The following CPA6 variants were observed in gnomAD, a reference collection of about 807,000 sequenced individuals.
CPA6 encodes carboxypeptidase B.
CPA6 carries 58 observed loss-of-function variants against 63.3 expected under a neutral mutation model. That is an observed-to-expected ratio of 0.92 (90% confidence interval 0.74 to 1.14). CPA6 has a LOEUF of 1.14. Among genes scored for constraint, CPA6 ranks in the 50% most tolerant of loss-of-function variants. The pLI is 0.00. For missense variants in CPA6, 565 were observed against 526.6 expected (o/e 1.07, Z -0.71); for synonymous variants, 185 against 179.0 (o/e 1.03, Z -0.27).
At chr8:67,656,369 T>A (rs55911330) in intron 1 of CPA6, among the ~76,000 whole-genome samples, 1 of 152,134 alleles carries the variant, frequency 6.6e-6, no homozygotes, top group South Asian at 2.1e-4. Context: ...CATTCTACTC[T>A]CTTCAACTAT....
intron 2 of CPA6, among the ~76,000 whole-genome samples, chr8:67,592,935 T>A (rs954193389): frequency 2.0e-4 from 31 of 151,888 alleles, no homozygotes; most frequent in Non-Finnish European, 2.8e-4. Flanking sequence ...AGCTTTTGAA[T>A]GTGTTTGCTC....
chr8:67,477,985 T>C (rs1317798612), intron 8 of CPA6, among the ~76,000 whole-genome samples: 2 of 152,184 alleles, frequency 1.3e-5, no homozygotes, highest in African/African-American at 4.8e-5. Flanking sequence ...CTTTGTATGC[T>C]AATAGGATGA....
intron 1 of CPA6, among the ~76,000 whole-genome samples, chr8:67,648,074 G>A (rs1815751576): frequency 6.6e-6 from 1 of 152,038 alleles, no homozygotes; most frequent in Non-Finnish European, 1.5e-5. Flanking sequence ...ACTTTCAGAG[G>A]ACAAAGGGGA....
intron 2 of CPA6, among the ~76,000 whole-genome samples, chr8:67,608,746 A>C (rs961147383): frequency 1.3e-5 from 2 of 152,180 alleles, no homozygotes; most frequent in African/African-American, 4.8e-5. Context: ...ACCCCAGCTC[A>C]CCTGCATTCT....
chr8:67,516,412 C>T lies in CPA6; in HGVS notation c.317+1511G>A, dbSNP rs563736893. On this transcript the variant is annotated intron_variant, in intron 3 of 10. Transcript: ENST00000297770. Reference sequence around the variant, plus strand: ...TCTCTGGCATCATCGATGTCTCCCTCCCTACAGGCTCTTCCCTCAGCCTAC... The same window carrying T: ...TCTCTGGCATCATCGATGTCTCCCTTCCTACAGGCTCTTCCCTCAGCCTAC... Among the ~76,000 whole-genome samples, 51 of 152,328 alleles carry T rather than the reference C, an allele frequency of 3.3e-4. 1 individual carries two copies. The highest frequency in any genetic ancestry group is 1.2e-3 in the African/African-American group (50 of 41,578).
chr8:67,460,377 T>C (rs1810774049), intron 8 of CPA6, among the ~76,000 whole-genome samples: 1 of 152,230 alleles, frequency 6.6e-6, no homozygotes, highest in African/African-American at 2.4e-5. Context: ...AGAGATTGCA[T>C]AAGAGCCTGA....
At chr8:67,689,388 G>T (rs1334295371) in intron 1 of CPA6, among the ~76,000 whole-genome samples, 1 of 152,098 alleles carries the variant, frequency 6.6e-6, no homozygotes, top group African/African-American at 2.4e-5. Flanking sequence ...CCCAGGTAAT[G>T]AGCACAGTGC....
intron 1 of CPA6, among the ~76,000 whole-genome samples, chr8:67,744,012 C>G (rs1358299826): frequency 6.6e-6 from 1 of 152,196 alleles, no homozygotes; most frequent in African/African-American, 2.4e-5. Flanking sequence ...ACCATGTCTT[C>G]CCATCAGATT....
At chr8:67,590,941 T>C (rs1173670245) in intron 2 of CPA6, among the ~76,000 whole-genome samples, 1 of 152,252 alleles carries the variant, frequency 6.6e-6, no homozygotes, top group African/African-American at 2.4e-5. Flanking sequence ...TTTGGTGTTT[T>C]ACACATGAAG....
In CPA6 at chr8:67,727,943, T is replaced by C. The variant is rs1382666037; in HGVS notation, c.116+18071A>G. Among the ~76,000 whole-genome samples the C allele has an allele frequency of 2.0e-5, 3 of 151,890 alleles. No individual in the cohort carries two copies. The East Asian group carries it at 5.8e-4, about 30-fold the overall frequency. On this transcript the variant is annotated intron_variant, in intron 1 of 10. Coordinates refer to ENST00000297770, the MANE Select transcript of CPA6 (RefSeq NM_020361.5). ...AACACAAAAAATTAGCCTGGTGTGG[T>C]GGCAAGTGCCTGTAGTCCCAGCTAC...
intron 8 of CPA6, among the ~76,000 whole-genome samples, chr8:67,453,474 T>C (rs80256215): frequency 2.0e-5 from 3 of 152,152 alleles, no homozygotes; most frequent in Non-Finnish European, 2.9e-5. Context: ...GTCTATTAGA[T>C]ACCCCCAGTG....
intron 2 of CPA6, among the ~76,000 whole-genome samples, chr8:67,541,963 T>C (rs1812717952): frequency 6.6e-6 from 1 of 152,238 alleles, no homozygotes; most frequent in Admixed American, 6.5e-5. Flanking sequence ...CCCGGGTTGA[T>C]CTGAAAAATA....
intron 2 of CPA6, among the ~76,000 whole-genome samples, chr8:67,609,504 T>G (rs544043954): frequency 3.9e-5 from 6 of 152,330 alleles, no homozygotes; most frequent in African/African-American, 1.2e-4. Context: ...AAGTCAACGT[T>G]GAATATATAT....
At chr8:67,593,300 T>TA (rs1261604378) in intron 2 of CPA6, among the ~76,000 whole-genome samples, 2 of 151,438 alleles carry the variant, frequency 1.3e-5, no homozygotes, top group East Asian at 3.8e-4. Flanking sequence ...GAGCTTTACT[T>TA]CCAACTATGT....
chr8:67,495,209 A>G (rs962885246), intron 6 of CPA6, among the ~76,000 whole-genome samples: 1 of 152,190 alleles, frequency 6.6e-6, no homozygotes, highest in Non-Finnish European at 1.5e-5. Context: ...CCCAACTTCA[A>G]TGACACCACA....
At chr8:67,725,425 C>T (rs908087041) in intron 1 of CPA6, among the ~76,000 whole-genome samples, 1 of 152,234 alleles carries the variant, frequency 6.6e-6, no homozygotes, top group African/African-American at 2.4e-5. Context: ...TCATCACCTC[C>T]ATTTTCAAAA....
intron 1 of CPA6, among the ~76,000 whole-genome samples, chr8:67,655,561 C>T (rs1023014161): frequency 4.1e-4 from 63 of 152,228 alleles, no homozygotes; most frequent in African/African-American, 1.4e-3. Flanking sequence ...ACATTTTATT[C>T]TGGTGGAATT....
chr8:67,647,750 A>G (rs887247653), intron 1 of CPA6, among the ~76,000 whole-genome samples: 4 of 152,222 alleles, frequency 2.6e-5, no homozygotes, highest in Non-Finnish European at 5.9e-5. Context: ...CATTACAGGA[A>G]GAAAGGCTGA....
intron 6 of CPA6, among the ~76,000 whole-genome samples, chr8:67,489,302 T>G (rs1456333457): frequency 6.6e-6 from 1 of 152,132 alleles, no homozygotes; most frequent in Admixed American, 6.6e-5. Context: ...ATTGGCTCAC[T>G]AACTTGGAGA....
Sources: allele counts gnomAD v4.1 joint callset (sites outside exome capture counted in the v4.1 genomes callset), GRCh38; gene constraint gnomAD v4.1.1; transcripts MANE v1.5; gene names NCBI Gene and HGNC (gene_info 2026-07-23, HGNC 2026-07-21).